Variants in QRFPR observed in about 807,000 individuals in gnomAD.
QRFPR encodes pyroglutamylated RFamide peptide receptor, also known as pyroglutamylated RF-amide peptide receptor.
Under a neutral mutation model 31.3 loss-of-function variants are expected in QRFPR, and 37 were observed. The ratio of observed to expected loss-of-function variants is 1.18; its 90% CI spans 0.91 to 1.56. The LOEUF is 1.56. QRFPR is among the 40% of genes most tolerant of loss of function. The pLI, the probability that QRFPR is intolerant of heterozygous loss-of-function variation, is 0.00. For synonymous variants in QRFPR, 197 were observed against 192.0 expected, an observed-to-expected ratio of 1.03 and a Z score of -0.22; for missense variants, 542 against 532.5, an observed-to-expected ratio of 1.02 and a Z score of -0.18.
rs535015876 is a variant in QRFPR at position 121,369,652 on chromosome 4, C to T, written c.340+10656G>A. ...TGGCAAAACTTCCAGAATCATACTT[C>T]TGAAGGGATCTCAGTCCAAAGAGGC... On this transcript the variant is annotated intron_variant, in intron 1 of 5. Coordinates refer to ENST00000394427, the MANE Select transcript of QRFPR (RefSeq NM_198179.3). The T allele has an allele frequency of 2.8e-5, 44 of 1,593,610 alleles. No homozygotes were observed. The South Asian group carries it at 3.6e-4, about 13-fold the overall frequency.
chr4:121,379,298 A>G (rs1371633567), intron 1 of QRFPR, among the ~76,000 whole-genome samples: 1 of 152,248 alleles, frequency 6.6e-6, no homozygotes, highest in Non-Finnish European at 1.5e-5. Flanking sequence ...TGGTAATGGT[A>G]GGATGAAACA....
At chr4:121,346,260 A>G (rs997186286) in intron 1 of QRFPR, among the ~76,000 whole-genome samples, 2 of 152,198 alleles carry the variant, frequency 1.3e-5, no homozygotes, top group Non-Finnish European at 2.9e-5. Context: ...CCTTGTCCCA[A>G]TACAACCTGT....
intron 2 of QRFPR, among the ~76,000 whole-genome samples, chr4:121,339,361 A>G (rs888588264): frequency 8.5e-5 from 13 of 152,204 alleles, no homozygotes; most frequent in African/African-American, 3.1e-4. Flanking sequence ...CTTCCATTTT[A>G]CTGTGTTAGA....
At chr4:121,365,602 A>ATATTATATATT (rs1560744079) in intron 1 of QRFPR, among the ~76,000 whole-genome samples, 2 of 12,930 alleles carry the variant, frequency 1.5e-4, no homozygotes, top group African/African-American at 4.6e-4. Context: ...ATATATATAT[A>ATATTATATATT]ATATATATAT....
Position 121,373,977 on chromosome 4 carries a change from G to A in QRFPR, c.340+6331C>T, listed in dbSNP as rs1003702777. On this transcript the variant is annotated intron_variant, in intron 1 of 5. Coordinates refer to ENST00000394427, the MANE Select transcript of QRFPR (RefSeq NM_198179.3). The stretch of plus-strand genomic sequence containing the variant: ...CTGTTATAATGAAGCTTGGAGCTTC[G>A]CCTACTACCATTCTGTTACCCGCCC... 3.9e-5 allele frequency among the ~76,000 whole-genome samples: 6 copies of A among 152,076 alleles called. No individual in the cohort carries two copies. In the South Asian group the frequency reaches 6.2e-4, roughly 16 times the overall value.
rs1726203141 is a variant in QRFPR, at chr4:121,370,033, AC to A, written c.340+10274del. On this transcript the variant is annotated intron_variant, in intron 1 of 5. Transcript: ENST00000394427. ...CTGTTTTGTGATCACATAATTCATG[AC>A]GACATGGGTAGCTTTAGCCTTCACC... is the stretch of plus-strand genomic sequence containing the variant. 9.1e-6 allele frequency: 7 copies of A among 772,404 alleles called. No homozygotes were observed. In the South Asian group the frequency reaches 9.4e-5, roughly 10 times the overall value. The allele number at this position is 772,404 out of a possible 1,614,324, so 47.8% of individuals were successfully genotyped here. A position where few individuals can be genotyped will look rare whatever the true frequency, so the allele number is the denominator to read the frequency against.
intron 1 of QRFPR, among the ~76,000 whole-genome samples, chr4:121,355,816 G>C (rs529666917): frequency 6.6e-5 from 10 of 151,904 alleles, no homozygotes; most frequent in African/African-American, 1.7e-4. Flanking sequence ...CTTTATTGAT[G>C]CATTGGTCAT....
In QRFPR at chr4:121,329,328, C is replaced by T. The variant is rs1725273353; in HGVS notation, c.1282G>A (p.Asp428Asn). 2 of 1,612,278 alleles carry T rather than the reference C, an allele frequency of 1.2e-6. No homozygotes were observed. Among genetic ancestry groups the T allele is most frequent in the Admixed American group, 1.7e-5 (1 of 59,814 alleles). ...RSELAENSPLDSGH is the reference protein window; with the variant it reads ...RSELAENSPLNSGH ...TATTGTTATAATTAATGCCCACTGTCTAAAGGAGAATTCTCAGCCAGTTCA... is the reference window on the plus strand; with the variant it reads ...TATTGTTATAATTAATGCCCACTGTTTAAAGGAGAATTCTCAGCCAGTTCA... Residue 428 changes from aspartate to asparagine, a missense_variant, in exon 6 of 6, where the codon GAC becomes AAC. By Grantham distance (23) the Asp-to-Asn change is conservative. Coordinates refer to ENST00000394427, the MANE Select transcript of QRFPR (RefSeq NM_198179.3).
intron 2 of QRFPR, among the ~76,000 whole-genome samples, chr4:121,339,028 A>T (rs1451887423): frequency 1.3e-5 from 2 of 152,190 alleles, no homozygotes; most frequent in Non-Finnish European, 2.9e-5. Flanking sequence ...TATGACATAA[A>T]ATTAAAACTA....
At chr4:121,337,724 TA>T (rs112052911) in intron 2 of QRFPR, among the ~76,000 whole-genome samples, 6,220 of 148,082 alleles carry the variant, frequency 0.042, 138 homozygotes, top group Middle Eastern at 0.1. Flanking sequence ...AGTATAATAA[TA>T]AAAAAAAAAG....
intron 1 of QRFPR, among the ~76,000 whole-genome samples, chr4:121,362,835 A>G (rs1726018151): frequency 6.6e-6 from 1 of 150,504 alleles, no homozygotes; most frequent in Admixed American, 6.6e-5. Flanking sequence ...GGATAAAAGC[A>G]AATCCAATTT....
intron 1 of QRFPR, among the ~76,000 whole-genome samples, chr4:121,351,158 T>C (rs747443336): frequency 2.6e-5 from 4 of 152,208 alleles, no homozygotes; most frequent in African/African-American, 4.8e-5. Flanking sequence ...GATTTTAGAA[T>C]GGGACAGATT....
rs1234670135 is a variant in QRFPR at position 121,329,443 on chromosome 4, T to G, written c.1167A>C (p.Glu389Asp). 2 of 1,614,188 alleles carry G rather than the reference T, an allele frequency of 1.2e-6. No individual in the cohort carries two copies. Among genetic ancestry groups the G allele is most frequent in the Non-Finnish European group, 1.7e-6 (2 of 1,180,020 alleles). The change falls in exon 6 of 6, where the codon GAA becomes GAC. Residue 389 changes from glutamate to aspartate, a missense_variant. Coordinates refer to ENST00000394427, the MANE Select transcript of QRFPR (RefSeq NM_198179.3). ...CTTCAATGTTGCCATCACTGAATGC[T>G]TCTCCTTTGGTTTCCTCCACTGGAT... ...RENPVEETKG[E>D]AFSDGNIEVK...
intron 1 of QRFPR, among the ~76,000 whole-genome samples, chr4:121,377,004 C>A (rs1277793831): frequency 6.6e-6 from 1 of 152,110 alleles, no homozygotes; most frequent in Non-Finnish European, 1.5e-5. Flanking sequence ...ATAAAACAGT[C>A]ATTCACAGTC....
intron 1 of QRFPR, among the ~76,000 whole-genome samples, chr4:121,365,612 TTATATATATTATATATTA>T (rs1726111159): frequency 1.2e-4 from 1 of 8,670 alleles, no homozygotes; most frequent in Non-Finnish European, 1.8e-4. Flanking sequence ...AATATATATA[TTATATATATTATATATTA>T]TATATATATT....
intron 1 of QRFPR, among the ~76,000 whole-genome samples, chr4:121,361,878 C>T (rs909181872): frequency 1.3e-5 from 2 of 150,294 alleles, no homozygotes; most frequent in Non-Finnish European, 3.0e-5. Flanking sequence ...CCTCTTCCTT[C>T]CTTTGCCCAC....
chr4:121,355,635 T>C (rs1725852938), intron 1 of QRFPR, among the ~76,000 whole-genome samples: 1 of 152,106 alleles, frequency 6.6e-6, no homozygotes, highest in South Asian at 2.1e-4. Context: ...TCTAGTTCTT[T>C]GAGATACATT....
At chr4:121,360,292 T>C (rs866454603) in intron 1 of QRFPR, among the ~76,000 whole-genome samples, 1 of 152,332 alleles carries the variant, frequency 6.6e-6, no homozygotes, top group South Asian at 2.1e-4. Flanking sequence ...CATTACAAGA[T>C]GGATAAAAAC....
intron 1 of QRFPR, among the ~76,000 whole-genome samples, chr4:121,365,627 AT>A (rs1166061210): frequency 0.024 from 299 of 12,440 alleles, 14 homozygotes; most frequent in African/African-American, 0.047. Flanking sequence ...TATATTATAT[AT>A]TATATATATA....
Sources: gnomAD v4.1 joint callset for allele counts (sites outside exome capture counted in the v4.1 genomes callset) on GRCh38, gnomAD v4.1.1 for gene constraint, MANE v1.5 for transcripts, NCBI Gene and HGNC (gene_info 2026-07-23, HGNC 2026-07-21) for gene names.